Variants in PRKN observed in about 807,000 individuals in gnomAD.
PRKN encodes the protein E3 ubiquitin-protein ligase parkin.
Under a neutral mutation model 59.5 loss-of-function variants are expected in PRKN, and 56 were observed. The ratio of observed to expected loss-of-function variants is 0.94; its 90% CI spans 0.76 to 1.18. PRKN has a LOEUF of 1.18. PRKN is among the 50% of genes most tolerant of loss of function. The probability of loss-of-function intolerance (pLI) is 0.00; values close to 1 mark genes in which losing one functional copy is unlikely to be tolerated. For synonymous variants in PRKN, 250 were observed against 222.1 expected (o/e 1.13, Z -1.12); for missense variants, 657 against 596.4 (o/e 1.10, Z -1.06).
intron 7 of PRKN, among the ~76,000 whole-genome samples, chr6:161,695,828 T>C (rs1785998110): frequency 6.6e-6 from 1 of 152,112 alleles, no homozygotes; most frequent in Admixed American, 6.5e-5. Flanking sequence ...AGTGAGGAGG[T>C]GTTTTTCAAT....
chr6:162,380,473 G>GTATATATA (rs3050243), intron 2 of PRKN, among the ~76,000 whole-genome samples: 4 of 38,900 alleles, frequency 1.0e-4, no homozygotes, highest in Admixed American at 2.9e-4. Flanking sequence ...ATATATGTGT[G>GTATATATA]TATATATATG....
chr6:161,433,274 G>T (rs1286623316), intron 9 of PRKN, among the ~76,000 whole-genome samples: 1 of 152,202 alleles, frequency 6.6e-6, no homozygotes, highest in African/African-American at 2.4e-5. Flanking sequence ...GCTGTAAGCA[G>T]TATGCGTCCG....
intron 2 of PRKN, among the ~76,000 whole-genome samples, chr6:162,357,890 A>G (rs1484280925): frequency 6.6e-6 from 1 of 152,192 alleles, no homozygotes; most frequent in Non-Finnish European, 1.5e-5. Flanking sequence ...AAGATCAGTG[A>G]TTGCCACAGG....
At chr6:161,810,334 T>C (rs1276095574) in intron 6 of PRKN, among the ~76,000 whole-genome samples, 1 of 152,224 alleles carries the variant, frequency 6.6e-6, no homozygotes, top group Non-Finnish European at 1.5e-5. Context: ...AATACATTTC[T>C]GTTATTTAAG....
At chr6:162,512,458 T>C (rs1483161709) in intron 1 of PRKN, among the ~76,000 whole-genome samples, 3 of 152,184 alleles carry the variant, frequency 2.0e-5, no homozygotes, top group African/African-American at 7.2e-5. Context: ...AATCAATAAC[T>C]GAAATAACAA....
intron 7 of PRKN, among the ~76,000 whole-genome samples, chr6:161,658,192 T>A (rs755998120): frequency 1.4e-4 from 20 of 143,928 alleles, no homozygotes; most frequent in Admixed American, 2.7e-4. Context: ...ATGGCATGTA[T>A]ATATTAAATT....
chr6:162,340,371 C>T (rs1784120131), intron 2 of PRKN, among the ~76,000 whole-genome samples: 1 of 152,116 alleles, frequency 6.6e-6, no homozygotes, highest in African/African-American at 2.4e-5. Flanking sequence ...AAAAAGTGAA[C>T]TTCTTAAAGG....
intron 9 of PRKN, among the ~76,000 whole-genome samples, chr6:161,509,400 T>C (rs573499278): frequency 6.6e-6 from 1 of 151,774 alleles, no homozygotes; most frequent in Non-Finnish European, 1.5e-5. Context: ...AAAAGAGAGG[T>C]AAGAAACTCA....
At chr6:161,764,568 G>T (rs1437064237) in intron 7 of PRKN, among the ~76,000 whole-genome samples, 3 of 152,120 alleles carry the variant, frequency 2.0e-5, no homozygotes. Flanking sequence ...CAAGTTAAGG[G>T]AAAATTATTT....
intron 1 of PRKN, among the ~76,000 whole-genome samples, chr6:162,709,304 C>T (rs935527428): frequency 4.6e-5 from 7 of 151,942 alleles, no homozygotes; most frequent in African/African-American, 1.2e-4. Flanking sequence ...CTTATGAAAC[C>T]GATCCCTGGT....
chr6:162,418,563 A>G (rs1477629461), intron 2 of PRKN, among the ~76,000 whole-genome samples: 2 of 151,080 alleles, frequency 1.3e-5, no homozygotes, highest in Non-Finnish European at 2.9e-5. Context: ...GTGTTCCTGG[A>G]GCTTCAGATG....
At chr6:162,132,034 A>G (rs1242797758) in intron 4 of PRKN, among the ~76,000 whole-genome samples, 1 of 152,240 alleles carries the variant, frequency 6.6e-6, no homozygotes, top group Non-Finnish European at 1.5e-5. Flanking sequence ...AGCTCATAGG[A>G]TAAAGCATTA....
intron 1 of PRKN, among the ~76,000 whole-genome samples, chr6:162,483,238 G>A (rs113044503): frequency 2.7e-4 from 41 of 152,234 alleles, no homozygotes; most frequent in African/African-American, 9.4e-4. Flanking sequence ...ATCAAGATCT[G>A]ATGACATGTG....
intron 6 of PRKN, among the ~76,000 whole-genome samples, chr6:161,959,964 C>T (rs894753229): frequency 3.9e-5 from 6 of 152,300 alleles, no homozygotes; most frequent in Middle Eastern, 3.4e-3. Context: ...CTGGAGTCAT[C>T]TGCTTTCTGT....
chr6:162,262,442 G>A (rs752504341), intron 3 of PRKN, 83 bp downstream of exon 3: 30 of 1,523,298 alleles, frequency 2.0e-5, no homozygotes, highest in Non-Finnish European at 1.6e-5. Context: ...AACTAAATAT[G>A]CACCCGGTGA....
chr6:162,319,115 A>AT lies in PRKN; in HGVS notation c.172-56351dup, dbSNP rs535499793. Among the ~76,000 whole-genome samples, 72 of 152,086 alleles carry AT rather than the reference A, an allele frequency of 4.7e-4. No individual in the cohort carries two copies. In the South Asian group the frequency reaches 8.1e-3, roughly 17 times the overall value. On this transcript the variant is annotated intron_variant, in intron 2 of 11. Coordinates refer to ENST00000366898, the MANE Select transcript of PRKN (RefSeq NM_004562.3). ...TATTTCCTGATTAAGTCACAAATTG[A>AT]TTTTTTTATAATAGTGTGTAATTAC...
intron 6 of PRKN, among the ~76,000 whole-genome samples, chr6:161,962,648 T>C (rs1194748439): frequency 2.0e-5 from 3 of 151,010 alleles, no homozygotes; most frequent in African/African-American, 7.3e-5. Flanking sequence ...GTGATTCTCC[T>C]AACTCAGCCT....
At position 161,525,835 on chromosome 6, in the gene PRKN, T is replaced by C. The variant is rs1353985908; in HGVS notation, c.1083+23019A>G. Among the ~76,000 whole-genome samples the C allele has an allele frequency of 6.6e-6, 1 of 152,132 alleles. No homozygotes were observed. The highest frequency in any genetic ancestry group is 1.5e-5 in the Non-Finnish European group (1 of 68,020). ...TTGGCTATAGAATAGCCTACAGATATAATAAAAAATAATTATTTAAAGTAA... is the reference window on the plus strand; with the variant it reads ...TTGGCTATAGAATAGCCTACAGATACAATAAAAAATAATTATTTAAAGTAA... On this transcript the variant is annotated intron_variant, in intron 9 of 11. Transcript: ENST00000366898. The surrounding 1 kb of genome is among the most constrained non-coding windows in gnomAD (Gnocchi z 4.7).
At chr6:161,821,719 C>CTTTTTTTTTTTTTTTTTTTTTTT (rs531807176) in intron 6 of PRKN, among the ~76,000 whole-genome samples, 3 of 64,702 alleles carry the variant, frequency 4.6e-5, no homozygotes, top group African/African-American at 6.0e-5. Flanking sequence ...CACTGGTGTT[C>CTTTTTTTTTTTTTTTTTTTTTTT]TTTTTTTTTT....
Sources: gnomAD v4.1 joint callset for allele counts (sites outside exome capture counted in the v4.1 genomes callset) on GRCh38, gnomAD v4.1.1 for gene constraint, Gnocchi (gnomAD v3.1) non-coding constraint, MANE v1.5 for transcripts, NCBI Gene and HGNC (gene_info 2026-07-23, HGNC 2026-07-21) for gene names.